Variants in GABRB3 observed in about 807,000 individuals in gnomAD.
The protein encoded by GABRB3 is gamma-aminobutyric acid type A receptor subunit beta3, also known as gamma-aminobutyric acid receptor subunit beta-3.
Under a neutral mutation model 52.1 loss-of-function variants are expected in GABRB3, and 14 were observed. The observed-to-expected ratio is 0.27, with a 90% CI of 0.18 to 0.42. The LOEUF is 0.42. GABRB3 is among the 10% of genes least tolerant of loss of function. The pLI is 1.00. For missense variants in GABRB3, 307 were observed against 609.1 expected (o/e 0.50, Z 5.22); for synonymous variants, 260 against 232.3 (o/e 1.12, Z -1.08).
At chr15:26,665,291 G>A (rs989076163) in intron 3 of GABRB3, among the ~76,000 whole-genome samples, 2 of 151,938 alleles carry the variant, frequency 1.3e-5, no homozygotes, top group Non-Finnish European at 2.9e-5. Context: ...CTCTCTCCAC[G>A]AGTTCAATTT....
chr15:26,772,246 C>A (rs953907811), intron 3 of GABRB3, 156 bp downstream of exon 3: 7 of 611,250 alleles, frequency 1.1e-5, no homozygotes, highest in Non-Finnish European at 1.9e-5. Context: ...GGGAGCCGGG[C>A]AAGCGAGGGG....
intron 3 of GABRB3, among the ~76,000 whole-genome samples, chr15:26,740,663 C>T (rs1449986960): frequency 6.6e-6 from 1 of 152,188 alleles, no homozygotes; most frequent in Admixed American, 6.5e-5. Flanking sequence ...GGCTCTCCCT[C>T]CTTGGAATCC....
At chr15:26,731,931 A>T (rs1315281084) in intron 3 of GABRB3, among the ~76,000 whole-genome samples, 2 of 152,234 alleles carry the variant, frequency 1.3e-5, no homozygotes, top group African/African-American at 4.8e-5. Context: ...ATAAAATTTG[A>T]TTAGATAAGA....
rs930595085 is a variant in GABRB3 at position 26,615,975 on chromosome 15, A to G, written c.461+5339T>C. ...AAGCAGGAACAGCAGGAACAACCCCAGCTCTCTGCAAACCTTCCACCATGG... is the reference window on the plus strand; with the variant it reads ...AAGCAGGAACAGCAGGAACAACCCCGGCTCTCTGCAAACCTTCCACCATGG... On this transcript the variant is annotated intron_variant, in intron 4 of 8. Transcript: ENST00000311550. The G allele has an allele frequency of 1.4e-5, 18 of 1,289,180 alleles. No individual in the cohort carries two copies. The East Asian group carries it at 8.9e-4, about 64-fold the overall frequency. 79.9% of individuals were successfully genotyped at this position (1,289,180 alleles called of 1,614,324 possible).
intron 3 of GABRB3, among the ~76,000 whole-genome samples, chr15:26,766,873 C>A (rs1336945204): frequency 6.6e-6 from 1 of 152,138 alleles, no homozygotes; most frequent in Non-Finnish European, 1.5e-5. Flanking sequence ...CAGGACCATG[C>A]ATGTAAGATC....
intron 4 of GABRB3, among the ~76,000 whole-genome samples, chr15:26,587,946 A>AAT (rs1198660972): frequency 1.3e-5 from 2 of 152,138 alleles, no homozygotes; most frequent in African/African-American, 4.8e-5. Context: ...ATCGGAATCC[A>AAT]ATAGGACTGG....
chr15:26,754,663 T>A (rs558194718), intron 3 of GABRB3, among the ~76,000 whole-genome samples: 1 of 152,182 alleles, frequency 6.6e-6, no homozygotes, highest in Non-Finnish European at 1.5e-5. Context: ...GTTACCCATG[T>A]AGGCAAAGTA....
At chr15:26,728,309 A>G (rs370131756) in intron 3 of GABRB3, among the ~76,000 whole-genome samples, 1 of 152,144 alleles carries the variant, frequency 6.6e-6, no homozygotes, top group East Asian at 1.9e-4. Flanking sequence ...TGTCCCCTCC[A>G]TGTATTCTGG....
intron 3 of GABRB3, among the ~76,000 whole-genome samples, chr15:26,674,966 G>A (rs1888022193): frequency 6.6e-6 from 1 of 152,146 alleles, no homozygotes; most frequent in African/African-American, 2.4e-5. Flanking sequence ...GTTACCACAA[G>A]GAGTTAACCT....
chr15:26,624,089 C>T, intron 3 of GABRB3: 1 of 540,084 alleles, frequency 1.9e-6, no homozygotes, highest in Non-Finnish European at 2.4e-6. Context: ...GAGGAGTGGA[C>T]AGTGCTGAGT....
At chr15:26,768,682 A>G (rs1479155411) in intron 3 of GABRB3, among the ~76,000 whole-genome samples, 1 of 152,178 alleles carries the variant, frequency 6.6e-6, no homozygotes, top group African/African-American at 2.4e-5. Flanking sequence ...CTAAATCTCA[A>G]TAATTATCTA....
intron 6 of GABRB3, among the ~76,000 whole-genome samples, chr15:26,577,743 T>C (rs1890644676): frequency 6.6e-6 from 1 of 152,134 alleles, no homozygotes; most frequent in Admixed American, 6.5e-5. Context: ...CCTGGTGACA[T>C]CATAGTCTGG....
intron 3 of GABRB3, chr15:26,629,312 T>G (rs1212895794): frequency 2.9e-6 from 2 of 700,036 alleles, no homozygotes; most frequent in East Asian, 7.4e-5. Flanking sequence ...GGAAAAGGCG[T>G]GGCCCAGCTC....
At chr15:26,593,684 T>C (rs914606973) in intron 4 of GABRB3, among the ~76,000 whole-genome samples, 5 of 152,288 alleles carry the variant, frequency 3.3e-5, no homozygotes, top group African/African-American at 1.2e-4. Context: ...TTCCATTATA[T>C]GGATATACCA....
intron 3 of GABRB3, among the ~76,000 whole-genome samples, chr15:26,696,036 G>A (rs1888727183): frequency 6.6e-6 from 1 of 152,122 alleles, no homozygotes; most frequent in Admixed American, 6.5e-5. Context: ...AAGCAAAACC[G>A]GAAACAAAAA....
At chr15:26,629,261 G>C in intron 3 of GABRB3, 1 of 1,203,664 alleles carries the variant, frequency 8.3e-7, no homozygotes, top group Non-Finnish European at 1.1e-6. Flanking sequence ...CCCCGAGAGG[G>C]AGGAGGCGTG....
intron 4 of GABRB3, among the ~76,000 whole-genome samples, chr15:26,610,670 C>T (rs1339682255): frequency 6.6e-6 from 1 of 152,130 alleles, no homozygotes; most frequent in Non-Finnish European, 1.5e-5. Flanking sequence ...CCCCAGTGAT[C>T]TCTGGAGCCT....
chr15:26,698,135 C>G (rs1007085510), intron 3 of GABRB3, among the ~76,000 whole-genome samples: 1 of 152,168 alleles, frequency 6.6e-6, no homozygotes, highest in Non-Finnish European at 1.5e-5. Flanking sequence ...AGGTTAGCCT[C>G]CCAGACTGCC....
chr15:26,706,171 A>G (rs1021884435), intron 3 of GABRB3, among the ~76,000 whole-genome samples: 12 of 152,246 alleles, frequency 7.9e-5, no homozygotes, highest in African/African-American at 2.9e-4. Flanking sequence ...CACTTCAATC[A>G]GAAGATGCTT....
Sources: allele counts gnomAD v4.1 joint callset (sites outside exome capture counted in the v4.1 genomes callset), GRCh38; gene constraint gnomAD v4.1.1; transcripts MANE v1.5; gene names NCBI Gene and HGNC (gene_info 2026-07-23, HGNC 2026-07-21).